The following CABP1 variants were observed in gnomAD, a reference collection of about 807,000 sequenced individuals.
The protein encoded by CABP1 is calcium-binding protein 1.
In CABP1, 17 loss-of-function variants were observed where a neutral mutation model predicts 34.3. The ratio of observed to expected loss-of-function variants is 0.50; its 90% CI spans 0.34 to 0.74. CABP1 has a LOEUF of 0.74. CABP1 is among the 30% of genes least tolerant of loss of function. The pLI is 0.01. For synonymous variants in CABP1, 198 were observed against 229.2 expected (o/e 0.86, Z 1.23); for missense variants, 373 against 511.1 (o/e 0.73, Z 2.61).
At chr12:120,676,058 G>C in the CABP1 span, among the ~76,000 whole-genome samples, 1 of 152,154 alleles carries the variant, frequency 6.6e-6, no homozygotes, top group African/African-American at 2.4e-5. Context: ...CCTGCATGAT[G>C]AGAGGGAGAC....
intron 5 of CABP1, among the ~76,000 whole-genome samples, chr12:120,665,884 G>A (rs1256388659): frequency 6.6e-6 from 1 of 151,758 alleles, no homozygotes; most frequent in African/African-American, 2.4e-5. Flanking sequence ...GCTGGACGTC[G>A]TGGCGGGCTC....
Position 120,661,356 on chromosome 12 carries a change from G to T in CABP1, c.1087+138G>T. ...AGCCCTTTCATCCTCTTATCCCTCC[G>T]TCCATGCCCCCGTCTAATCCATCTC... On this transcript the variant is annotated intron_variant, in intron 5 of 5. Coordinates refer to ENST00000316803, the MANE Select transcript of CABP1 (RefSeq NM_001033677.2). This position sits in a 1 kb window ranked among gnomAD's most constrained non-coding sequence, Gnocchi z 5.1. 1 of 883,280 alleles carries T rather than the reference G, an allele frequency of 1.1e-6. No individual in the cohort carries two copies. The allele number at this position is 883,280 out of a possible 1,614,324, so 54.7% of individuals were successfully genotyped here.
chr12:120,650,582 C>T, intron 1 of CABP1: 3 of 1,613,012 alleles, frequency 1.9e-6, no homozygotes, highest in Non-Finnish European at 2.5e-6. Flanking sequence ...CCCTCAGTCC[C>T]CCAGGAGCCT....
intron 1 of CABP1, among the ~76,000 whole-genome samples, chr12:120,646,868 A>C (rs377549034): frequency 3.3e-5 from 5 of 152,142 alleles, no homozygotes; most frequent in East Asian, 1.9e-4. Context: ...CCTCCTGCCT[A>C]TCTGCCCGGC....
At chr12:120,679,352 T>C in the CABP1 span, among the ~76,000 whole-genome samples, 1 of 152,188 alleles carries the variant, frequency 6.6e-6, no homozygotes, top group East Asian at 1.9e-4. Context: ...TTGTGTGACT[T>C]TGGACAAATC....
chr12:120,674,565 T>C, the CABP1 span, among the ~76,000 whole-genome samples: 2 of 152,130 alleles, frequency 1.3e-5, no homozygotes, highest in Non-Finnish European at 2.9e-5. Context: ...CTGAGTATCA[T>C]GATTGAGGGA....
In CABP1 at chr12:120,640,735, G is replaced by A; in HGVS notation, c.50G>A (p.Arg17His). ...AAFKRPGDGA[R>H]LQRVLGLGSR... ...TTTAAGCGGCCGGGGGACGGCGCCC[G>A]CCTCCAGCGCGTCCTCGGGCTTGGC... Residue 17 changes from arginine to histidine, a missense_variant, in exon 1 of 6, where the codon CGC becomes CAC. By Grantham distance (29) the Arg-to-His change is conservative (BLOSUM62 0). This residue lies in a region of CABP1 where 134 missense variants were observed against 145.4 expected (regional missense o/e 0.92). Transcript: ENST00000316803. This position sits in a 1 kb window ranked among gnomAD's most constrained non-coding sequence, Gnocchi z 6.2. The A allele has an allele frequency of 8.5e-7, 1 of 1,181,638 alleles. No individual in the cohort carries two copies. Among genetic ancestry groups the A allele is most frequent in the Non-Finnish European group, 1.0e-6 (1 of 955,794 alleles). 73.2% of individuals were successfully genotyped at this position (1,181,638 alleles called of 1,614,324 possible).
intron 1 of CABP1, among the ~76,000 whole-genome samples, chr12:120,645,794 A>G (rs1338340086): frequency 6.6e-6 from 1 of 152,094 alleles, no homozygotes; most frequent in Non-Finnish European, 1.5e-5. Flanking sequence ...GTGCCTCTGC[A>G]CTCCAGCCTG....
intron 1 of CABP1, 198 bp from the exon 2 acceptor site, chr12:120,659,680 A>T (rs368103344): frequency 7.8e-6 from 4 of 514,612 alleles, no homozygotes; most frequent in East Asian, 6.6e-5. Flanking sequence ...ATCTCCTGTT[A>T]GGGGCCCAGG....
At position 120,660,696 on chromosome 12, in the gene CABP1, G is replaced by A. The variant is rs2137362764; in HGVS notation, c.830-35G>A. ...CTAGTTGGAGACAGGGAATGGGTATGTCGGGGATGACCTAGCCCTTTCCTC... is the reference window on the plus strand; with the variant it reads ...CTAGTTGGAGACAGGGAATGGGTATATCGGGGATGACCTAGCCCTTTCCTC... On this transcript the variant is annotated intron_variant, in intron 3 of 5. Coordinates refer to ENST00000316803, the MANE Select transcript of CABP1 (RefSeq NM_001033677.2). This position sits in a 1 kb window ranked among gnomAD's most constrained non-coding sequence, Gnocchi z 5.0. 2.1e-6 allele frequency: 3 copies of A among 1,431,518 alleles called. No homozygotes were observed. In the East Asian group the frequency reaches 6.8e-5, roughly 33 times the overall value. The allele number at this position is 1,431,518 out of a possible 1,614,324, so 88.7% of individuals were successfully genotyped here. A position where few individuals can be genotyped will look rare whatever the true frequency, so the allele number is the denominator to read the frequency against.
At chr12:120,655,721 T>C in intron 1 of CABP1, 1 of 1,447,254 alleles carries the variant, frequency 6.9e-7, no homozygotes. Flanking sequence ...CTCATTAGGC[T>C]CTGAGTGAAC....
At chr12:120,642,548 G>T (rs1879383441) in intron 1 of CABP1, among the ~76,000 whole-genome samples, 1 of 152,338 alleles carries the variant, frequency 6.6e-6, no homozygotes, top group South Asian at 2.1e-4. Context: ...GTGTGGCTTT[G>T]TTCCTGCAGG....
intron 1 of CABP1, chr12:120,655,769 C>T (rs986048750): frequency 6.7e-7 from 1 of 1,484,508 alleles, no homozygotes; most frequent in Non-Finnish European, 9.0e-7. Context: ...CCCGCTGCCC[C>T]TGTCTCTTCA....
Position 120,641,924 on chromosome 12 carries a change from A to G in CABP1, c.654+585A>G, listed in dbSNP as rs1433340247. ...GAGGGGCATGCAGAGCTGTGGCTCA[A>G]ACTGGAACTTTGGGGTGGTTTAAGG... On this transcript the variant is annotated intron_variant, in intron 1 of 5. Coordinates refer to ENST00000316803, the MANE Select transcript of CABP1 (RefSeq NM_001033677.2). This position sits in a 1 kb window ranked among gnomAD's most constrained non-coding sequence, Gnocchi z 6.7. Among the ~76,000 whole-genome samples the G allele has an allele frequency of 6.8e-6, 1 of 148,024 alleles. No individual in the cohort carries two copies. The highest frequency in any genetic ancestry group is 1.5e-5 in the Non-Finnish European group (1 of 66,552).
At chr12:120,659,728 C>A in intron 1 of CABP1, 150 bp from the exon 2 acceptor site, 2 of 635,282 alleles carry the variant, frequency 3.1e-6, no homozygotes, top group Non-Finnish European at 2.8e-6. Flanking sequence ...GCTTTCTTCT[C>A]CCCTCAAGGA....
rs1318486233 is a variant in CABP1 at position 120,666,983 on chromosome 12, G to T, written c.*83G>T. The stretch of plus-strand genomic sequence containing the variant: ...AGAGCTTGCCTCACCCGCTGTAGCC[G>T]CCGAGAGCCCAGGATGTACTGGCGG... On this transcript the variant is annotated 3_prime_UTR_variant, in exon 6 of 6. Coordinates refer to ENST00000316803, the MANE Select transcript of CABP1 (RefSeq NM_001033677.2). The T allele has an allele frequency of 1.3e-6, 2 of 1,506,470 alleles. No individual in the cohort carries two copies. The highest frequency in any genetic ancestry group is 1.8e-6 in the Non-Finnish European group (2 of 1,116,536). The allele number at this position is 1,506,470 out of a possible 1,614,324, so 93.3% of individuals were successfully genotyped here.
chr12:120,646,412 C>T (rs1304323231), intron 1 of CABP1, among the ~76,000 whole-genome samples: 4 of 152,320 alleles, frequency 2.6e-5, no homozygotes, highest in Middle Eastern at 6.8e-3. Context: ...GTAGGGCTTC[C>T]GGAGGCCCAA....
At chr12:120,679,708 T>G in the CABP1 span, among the ~76,000 whole-genome samples, 2 of 151,812 alleles carry the variant, frequency 1.3e-5, no homozygotes, top group Non-Finnish European at 2.9e-5. Flanking sequence ...ATGCCTGTAA[T>G]CCCAGCTACT....
At chr12:120,657,528 C>T (rs2686556) in intron 1 of CABP1, among the ~76,000 whole-genome samples, 100,200 of 151,992 alleles carry the variant, frequency 0.66, 33,285 homozygotes, top group South Asian at 0.76. Flanking sequence ...GCCACATGTA[C>T]TGGGGAGAAA....
Sources: gnomAD v4.1 joint callset for allele counts (sites outside exome capture counted in the v4.1 genomes callset) on GRCh38, gnomAD v4.1.1 for gene constraint, gnomAD v4.1.1 regional missense constraint, Gnocchi (gnomAD v3.1) non-coding constraint, MANE v1.5 for transcripts, NCBI Gene and HGNC (gene_info 2026-07-23, HGNC 2026-07-21) for gene names.